The following ARID5B variants were observed in gnomAD, a reference collection of about 807,000 sequenced individuals.
ARID5B encodes the protein AT-rich interactive domain-containing protein 5B.
Under a neutral mutation model 97.2 loss-of-function variants are expected in ARID5B, and 13 were observed. The observed-to-expected ratio is 0.13, with a 90% CI of 0.09 to 0.21. The LOEUF (loss-of-function observed/expected upper bound fraction) is 0.21, where lower values mean the gene tolerates loss of function less well. ARID5B is among the 10% of genes least tolerant of loss of function. The probability of loss-of-function intolerance (pLI) is 1.00; values close to 1 mark genes in which losing one functional copy is unlikely to be tolerated. For missense variants in ARID5B, 1,210 were observed against 1,465.3 expected, an observed-to-expected ratio of 0.83 and a Z score of 2.84; for synonymous variants, 556 against 570.3, an observed-to-expected ratio of 0.97 and a Z score of 0.36.
chr10:62,033,945 T>A (rs1316426502), intron 4 of ARID5B, among the ~76,000 whole-genome samples: 1 of 152,166 alleles, frequency 6.6e-6, no homozygotes, highest in Non-Finnish European at 1.5e-5. Flanking sequence ...CCTCTCTACT[T>A]TCTTATGAAA....
chr10:61,919,052 C>A (rs12774342), intron 2 of ARID5B, among the ~76,000 whole-genome samples: 2,275 of 53,792 alleles, frequency 0.042, 52 homozygotes, highest in African/African-American at 0.076. Context: ...CCCCCCCCCC[C>A]AAAAAAATAA....
At chr10:61,996,895 A>AAAAT (rs1554843346) in intron 3 of ARID5B, among the ~76,000 whole-genome samples, 1 of 146,200 alleles carries the variant, frequency 6.8e-6, no homozygotes, top group East Asian at 2.0e-4. Flanking sequence ...GAAAAAAAAA[A>AAAAT]ATATATATAT....
chr10:62,023,939 C>T lies in ARID5B; in HGVS notation c.733+23618C>T, dbSNP rs144126087. Among the ~76,000 whole-genome samples the T allele has an allele frequency of 1.6e-3, 251 of 152,212 alleles. 1 individual carries two copies. The highest frequency in any genetic ancestry group is 6.8e-3 in the Middle Eastern group (2 of 294). On this transcript the variant is annotated intron_variant, in intron 4 of 9. Coordinates refer to ENST00000279873, the MANE Select transcript of ARID5B (RefSeq NM_032199.3). ...GGTGTTCCCTTTGAGTCTTGGATAC[C>T]GATAGGCTTCTGTATCCACACAAAG... is the stretch of plus-strand genomic sequence containing the variant.
At chr10:62,027,442 G>A (rs1839436938) in intron 4 of ARID5B, among the ~76,000 whole-genome samples, 1 of 151,186 alleles carries the variant, frequency 6.6e-6, no homozygotes, top group Admixed American at 6.6e-5. Context: ...CCAAGTAGCT[G>A]GGACTGCAGG....
chr10:61,928,881 G>A (rs1844154433), intron 2 of ARID5B, among the ~76,000 whole-genome samples: 1 of 152,186 alleles, frequency 6.6e-6, no homozygotes, highest in Non-Finnish European at 1.5e-5. Flanking sequence ...ACACTAATGT[G>A]TAATGGGGAG....
At chr10:62,009,603 C>G (rs1201504591) in intron 4 of ARID5B, among the ~76,000 whole-genome samples, 1 of 152,112 alleles carries the variant, frequency 6.6e-6, no homozygotes, top group Non-Finnish European at 1.5e-5. Flanking sequence ...CCCACACACC[C>G]CCAGGTCTAC....
At chr10:61,930,213 T>C (rs1844179376) in intron 2 of ARID5B, among the ~76,000 whole-genome samples, 1 of 152,132 alleles carries the variant, frequency 6.6e-6, no homozygotes, top group African/African-American at 2.4e-5. Context: ...AGAAGAGAAA[T>C]TGAATAAAGC....
chr10:61,991,041 T>C (rs866599480), intron 3 of ARID5B, among the ~76,000 whole-genome samples: 1 of 145,062 alleles, frequency 6.9e-6, no homozygotes, highest in Admixed American at 6.8e-5. Context: ...ATTTATCCTG[T>C]ACACACACAC....
intron 4 of ARID5B, among the ~76,000 whole-genome samples, chr10:62,003,708 C>A (rs1839111925): frequency 1.3e-5 from 2 of 152,122 alleles, no homozygotes; most frequent in African/African-American, 4.8e-5. Context: ...GGCTTTCCAT[C>A]TTGGATAGGA....
chr10:61,934,297 G>A (rs1462507067), intron 2 of ARID5B, among the ~76,000 whole-genome samples: 1 of 152,196 alleles, frequency 6.6e-6, no homozygotes, highest in Non-Finnish European at 1.5e-5. Context: ...CTCCATATCA[G>A]CAGTAAGTCT....
chr10:61,944,601 T>G (rs971947586), intron 3 of ARID5B, among the ~76,000 whole-genome samples: 32 of 152,246 alleles, frequency 2.1e-4, no homozygotes, highest in Non-Finnish European at 7.3e-5. Flanking sequence ...TAAGCTTTAT[T>G]GGCCTATAAA....
chr10:62,049,314 C>T (rs1171282520), intron 4 of ARID5B: 4 of 1,489,822 alleles, frequency 2.7e-6, no homozygotes, highest in African/African-American at 1.4e-5. Flanking sequence ...ATGGAGCTGC[C>T]GGGGGAGGGG....
chr10:62,016,457 C>T (rs760010412), intron 4 of ARID5B, among the ~76,000 whole-genome samples: 6 of 152,178 alleles, frequency 3.9e-5, no homozygotes, highest in Admixed American at 1.3e-4. Flanking sequence ...TGAGATGCCA[C>T]CAATTCTGGA....
chr10:61,922,279 T>C (rs1844029395), intron 2 of ARID5B, among the ~76,000 whole-genome samples: 2 of 152,180 alleles, frequency 1.3e-5, no homozygotes, highest in Admixed American at 1.3e-4. Flanking sequence ...CTGTAGCTGA[T>C]ATAAACAGGC....
intron 4 of ARID5B, chr10:62,024,836 T>C: frequency 2.7e-6 from 1 of 369,998 alleles, no homozygotes; most frequent in Non-Finnish European, 4.8e-6. Flanking sequence ...TGAAATGGCT[T>C]GGAAAGAACT....
intron 2 of ARID5B, among the ~76,000 whole-genome samples, chr10:61,936,842 TTCCCCAAA>T (rs1844312172): frequency 5.8e-5 from 2 of 34,728 alleles, no homozygotes; most frequent in African/African-American, 9.3e-5. Flanking sequence ...CCTTTTTTTC[TTCCCCAAA>T]AAAAAAAAAA....
intron 4 of ARID5B, among the ~76,000 whole-genome samples, chr10:62,003,434 GT>G (rs1839107082): frequency 6.6e-6 from 1 of 152,158 alleles, no homozygotes; most frequent in Non-Finnish European, 1.5e-5. Flanking sequence ...TAGGGAGCAG[GT>G]TAATAACTAC....
Position 62,093,087 on chromosome 10 carries a change from C to G in ARID5B, c.*57C>G. On this transcript the variant is annotated 3_prime_UTR_variant, in exon 10 of 10. Transcript: ENST00000279873. Reference sequence around the variant, plus strand: ...TGGCCAACAGAGCTTCACTCCTTACCCAGGAGTGCTGGCTTATAGAGTTAG... The same window carrying G: ...TGGCCAACAGAGCTTCACTCCTTACGCAGGAGTGCTGGCTTATAGAGTTAG... 1.3e-6 allele frequency: 2 copies of G among 1,539,852 alleles called. No homozygotes were observed. Among genetic ancestry groups the G allele is most frequent in the Non-Finnish European group, 1.7e-6 (2 of 1,152,088 alleles).
chr10:62,079,912 T>C (rs1178745630), intron 8 of ARID5B, among the ~76,000 whole-genome samples: 1 of 152,226 alleles, frequency 6.6e-6, no homozygotes, highest in Non-Finnish European at 1.5e-5. Context: ...TTATATTTCA[T>C]CGTTGTTAAT....
Sources: gnomAD v4.1 joint callset for allele counts (sites outside exome capture counted in the v4.1 genomes callset) on GRCh38, gnomAD v4.1.1 for gene constraint, MANE v1.5 for transcripts, NCBI Gene and HGNC (gene_info 2026-07-23, HGNC 2026-07-21) for gene names.